Variants in ADGRG1 observed in about 807,000 individuals in gnomAD.
ADGRG1 encodes 7-transmembrane protein with no EGF-like N-terminal domains-1.
A neutral mutation model predicts 73.5 loss-of-function variants in ADGRG1; 53 were observed. The observed-to-expected ratio is 0.72, with a 90% CI of 0.58 to 0.91. The LOEUF is 0.91. ADGRG1 is among the 40% of genes least tolerant of loss of function. The probability of loss-of-function intolerance (pLI) is 0.00; values close to 1 mark genes in which losing one functional copy is unlikely to be tolerated. For synonymous variants in ADGRG1, 394 were observed against 374.4 expected, an observed-to-expected ratio of 1.05 and a Z score of -0.60; for missense variants, 795 against 871.8, an observed-to-expected ratio of 0.91 and a Z score of 1.11.
chr16:57,619,990 G>A (rs1381239235), upstream of ADGRG1: 1 of 152,352 alleles, frequency 6.6e-6, no homozygotes, highest in African/African-American at 2.4e-5. Flanking sequence ...CCGGAAATGG[G>A]GCGAGACAGA....
intron 10 of ADGRG1, chr16:57,658,896 T>C (rs1389079320): frequency 4.2e-6 from 4 of 941,848 alleles, no homozygotes; most frequent in East Asian, 2.4e-4. Context: ...ATGGTGACAC[T>C]GGGGCCTGCA....
chr16:57,636,032 G>T, intron 1 of ADGRG1: 1 of 985,306 alleles, frequency 1.0e-6, no homozygotes, highest in Middle Eastern at 5.2e-4. Flanking sequence ...CTGCTAGATC[G>T]CAGGACCCCA....
rs2037540104 is a variant in ADGRG1 at position 57,630,549 on chromosome 16, G to A, written c.-36+1747G>A. ...TTGGCTCCGAGAGTGTCGGGTGATG[G>A]AGAACGCCGCTCCAGGTGTGATCTG... On this transcript the variant is annotated intron_variant, in intron 1 of 13. Coordinates refer to ENST00000562631, the MANE Select transcript of ADGRG1 (RefSeq NM_201525.4). 3 of 984,698 alleles carry A rather than the reference G, an allele frequency of 3.0e-6. No homozygotes were observed. In the South Asian group the frequency reaches 1.4e-4, roughly 46 times the overall value. 61.0% of individuals were successfully genotyped at this position (984,698 alleles called of 1,614,324 possible). A position where few individuals can be genotyped will look rare whatever the true frequency, so the allele number is the denominator to read the frequency against.
In ADGRG1 at chr16:57,657,456, C is replaced by G. The variant is rs1405462978; in HGVS notation, c.1251C>G (p.Ala417=). 6.2e-7 allele frequency: 1 copy of G among 1,614,072 alleles called. No homozygotes were observed. Among genetic ancestry groups the G allele is most frequent in the South Asian group, 1.1e-5 (1 of 91,082 alleles). The part of the protein sequence containing the change: ...SYVGCVVSAL[A]CLVTIAAYLC... ...TGGGCTGTGTCGTCTCTGCCCTGGC[C>G]TGCCTTGTCACCATTGCCGCCTACC... is the stretch of plus-strand genomic sequence containing the variant. Residue 417 remains alanine, a synonymous_variant, in exon 10 of 14, where the codon GCC becomes GCG. Coordinates refer to ENST00000562631, the MANE Select transcript of ADGRG1 (RefSeq NM_201525.4).
At chr16:57,649,863 G>A (rs1362808960) in intron 1 of ADGRG1, among the ~76,000 whole-genome samples, 10 of 151,744 alleles carry the variant, frequency 6.6e-5, no homozygotes, top group Admixed American at 5.3e-4. Context: ...CTGCAGCCTC[G>A]ACCTCCTGGG....
chr16:57,651,387 C>A lies in ADGRG1; in HGVS notation c.252C>A (p.Pro84=), dbSNP rs989644868. 3 of 1,614,228 alleles carry A rather than the reference C, an allele frequency of 1.9e-6. No individual in the cohort carries two copies. Among genetic ancestry groups the A allele is most frequent in the Middle Eastern group, 3.3e-4 (2 of 6,062 alleles). The change falls in exon 3 of 14, where the codon CCC becomes CCA. Residue 84 remains proline, a synonymous_variant. Transcript: ENST00000562631. ...AHPASRSFPD[P]RGLYHFCLYW... ...CTGCTTCCCGATCCTTCCCTGACCC[C>A]AGGGGCCTCTACCACTTCTGCCTCT...
upstream of ADGRG1, chr16:57,622,893 C>T: frequency 1.0e-6 from 1 of 985,446 alleles, no homozygotes; most frequent in Non-Finnish European, 1.2e-6. Context: ...CCCTAAGGAA[C>T]TGCATTCTGC....
chr16:57,644,053 AC>A, intron 1 of ADGRG1: 1 of 985,328 alleles, frequency 1.0e-6, no homozygotes, highest in Non-Finnish European at 1.2e-6. Context: ...CTCAGACGCC[AC>A]GCCACCCACC....
Position 57,651,625 on chromosome 16 carries a change from A to G in ADGRG1, c.487+3A>G. 2 of 1,613,336 alleles carry G rather than the reference A, an allele frequency of 1.2e-6. No individual in the cohort carries two copies. The highest frequency in any genetic ancestry group is 1.7e-6 in the Non-Finnish European group (2 of 1,179,878). ...CAGCTTCACCTTCTCCTTCCACAGTAAGGCAACTTCCAGGCGGAGGGAACA... is the reference window on the plus strand; with the variant it reads ...CAGCTTCACCTTCTCCTTCCACAGTGAGGCAACTTCCAGGCGGAGGGAACA... On this transcript the variant is annotated splice_donor_region_variant and intron_variant, in intron 3 of 13. Coordinates refer to ENST00000562631, the MANE Select transcript of ADGRG1 (RefSeq NM_201525.4).
At chr16:57,629,061 A>T (rs1326007052) in intron 1 of ADGRG1, 2 of 503,700 alleles carry the variant, frequency 4.0e-6, no homozygotes, top group Non-Finnish European at 2.6e-6. Context: ...TGTGAGTATG[A>T]GTGTGAGTGT....
At chr16:57,640,937 A>G in intron 1 of ADGRG1, 1 of 985,576 alleles carries the variant, frequency 1.0e-6, no homozygotes, top group Non-Finnish European at 1.2e-6. Context: ...CAACGTGGGA[A>G]CACAGATAGG....
chr16:57,625,012 G>A (rs2035558983), upstream of ADGRG1, among the ~76,000 whole-genome samples: 1 of 152,150 alleles, frequency 6.6e-6, no homozygotes, highest in South Asian at 2.1e-4. Context: ...CCGGCTGGGA[G>A]TAGAGGCCAG....
At chr16:57,649,813 T>A (rs1369158852) in intron 1 of ADGRG1, among the ~76,000 whole-genome samples, 1 of 151,922 alleles carries the variant, frequency 6.6e-6, no homozygotes, top group African/African-American at 2.4e-5. Context: ...GGTCTCACTC[T>A]GTCACCCAGG....
chr16:57,637,652 C>A, intron 1 of ADGRG1: 1 of 985,358 alleles, frequency 1.0e-6, no homozygotes. Context: ...AAAAATAGGG[C>A]CTGAATGGGA....
upstream of ADGRG1, chr16:57,622,839 G>A (rs2035125593): frequency 1.0e-6 from 1 of 985,296 alleles, no homozygotes; most frequent in South Asian, 4.7e-5. Context: ...CCGCTGGGGA[G>A]GTCAGCAGGC....
chr16:57,663,653 GCCCGGCCCAGCC>G lies in ADGRG1; in HGVS notation c.*74_*85del. ...GTCGCACACTGCCTGTGGCCCCCGA[GCCCGGCCCAGCC>G]CCAGGCCAGTCAGCCGCAGACTTTG... On this transcript the variant is annotated 3_prime_UTR_variant, in exon 14 of 14. Transcript: ENST00000562631. 1 of 1,544,820 alleles carries G rather than the reference GCCCGGCCCAGCC, an allele frequency of 6.5e-7. No individual in the cohort carries two copies. Among genetic ancestry groups the G allele is most frequent in the Non-Finnish European group, 8.9e-7 (1 of 1,129,664 alleles).
intron 13 of ADGRG1, 36 bp from the exon 14 acceptor site, chr16:57,663,416 C>T (rs370278956): frequency 1.7e-5 from 27 of 1,612,194 alleles, no homozygotes; most frequent in Non-Finnish European, 2.2e-5. Context: ...GGTGGGGCTC[C>T]CCCACCTGCT....
chr16:57,652,065 C>A, intron 3 of ADGRG1: 1 of 1,054,098 alleles, frequency 9.5e-7, no homozygotes, highest in Non-Finnish European at 1.2e-6. Context: ...AGAGAGGATG[C>A]CCAAAGCTGC....
At chr16:57,646,562 C>G in intron 1 of ADGRG1, 1 of 985,416 alleles carries the variant, frequency 1.0e-6, no homozygotes, top group Non-Finnish European at 1.2e-6. Flanking sequence ...GGCCTCAGCC[C>G]CAGCACCCTC....
Sources: gnomAD v4.1 joint callset for allele counts (sites outside exome capture counted in the v4.1 genomes callset) on GRCh38, gnomAD v4.1.1 for gene constraint, MANE v1.5 for transcripts, NCBI Gene and HGNC (gene_info 2026-07-23, HGNC 2026-07-21) for gene names.